MRPS6: variants seen among roughly 807,000 people sequenced by gnomAD.
MRPS6 encodes the protein small ribosomal subunit protein bS6m.
MRPS6 carries 6 observed loss-of-function variants against 13.1 expected under a neutral mutation model. The ratio of observed to expected loss-of-function variants is 0.46; its 90% CI spans 0.25 to 0.91. The LOEUF is 0.91. Among genes scored for constraint, MRPS6 ranks in the 40% least tolerant of loss-of-function variants. MRPS6 has a pLI of 0.18. For synonymous variants in MRPS6, 61 were observed against 56.5 expected (o/e 1.08, Z -0.36); for missense variants, 164 against 155.6 (o/e 1.05, Z -0.29).
At position 34,102,608 on chromosome 21, in the gene MRPS6, T is replaced by C. The variant is rs73899969; in HGVS notation, c.46-22733T>C. 4,504 of 1,000,192 alleles carry C rather than the reference T, an allele frequency of 4.5e-3. 141 individuals are homozygous for C. In the African/African-American group the frequency reaches 0.065, roughly 14 times the overall value. 62.0% of individuals were successfully genotyped at this position (1,000,192 alleles called of 1,614,324 possible). ...GAGGCTATTGACTTAAACCAATAAC[T>C]GTACTTTATGTAATGACTCTTAAAT... On this transcript the variant is annotated intron_variant, in intron 1 of 2. Transcript: ENST00000399312.
chr21:34,102,576 A>G (rs1979293656), intron 1 of MRPS6: 13 of 1,000,124 alleles, frequency 1.3e-5, no homozygotes, highest in Non-Finnish European at 1.6e-5. Flanking sequence ...AGTACCATAC[A>G]TAGTCTGAGG....
At chr21:34,116,392 T>C (rs144223435) in intron 1 of MRPS6, among the ~76,000 whole-genome samples, 3,079 of 151,622 alleles carry the variant, frequency 0.02, 102 homozygotes, top group African/African-American at 0.07. Flanking sequence ...ATAAGTTCTT[T>C]AGTGGTGATT....
intron 2 of MRPS6, among the ~76,000 whole-genome samples, chr21:34,138,141 T>G: frequency 6.6e-6 from 1 of 152,056 alleles, no homozygotes; most frequent in South Asian, 2.1e-4. Flanking sequence ...CTCGGTGAAT[T>G]TGTATCAGAA....
At chr21:34,101,081 A>C (rs1329034473) in intron 1 of MRPS6, 1 of 1,000,010 alleles carries the variant, frequency 1.0e-6, no homozygotes, top group Admixed American at 6.2e-5. Flanking sequence ...CTTTCCTGTT[A>C]AATTACGTGA....
At chr21:34,081,057 T>C (rs914324153) in intron 1 of MRPS6, among the ~76,000 whole-genome samples, 2 of 152,176 alleles carry the variant, frequency 1.3e-5, no homozygotes, top group Non-Finnish European at 2.9e-5. Flanking sequence ...TTGGGAAGAC[T>C]TGATAAAAGG....
chr21:34,095,759 G>A (rs752349480), intron 1 of MRPS6: 2 of 1,613,932 alleles, frequency 1.2e-6, no homozygotes, highest in African/African-American at 1.3e-5. Flanking sequence ...CAGACACTCT[G>A]CAGGCTCTGC....
At chr21:34,088,206 A>G (rs1290078276) in intron 1 of MRPS6, among the ~76,000 whole-genome samples, 2 of 124 alleles carry the variant, frequency 0.016, no homozygotes, top group Non-Finnish European at 0.034. Flanking sequence ...GATAGAATCT[A>G]TAGCTGTGAT....
At chr21:34,077,859 T>C (rs1989370427) in intron 1 of MRPS6, among the ~76,000 whole-genome samples, 3 of 152,234 alleles carry the variant, frequency 2.0e-5, no homozygotes, top group Non-Finnish European at 4.4e-5. Flanking sequence ...AGAGTTTTTC[T>C]CTAAATGCAA....
At chr21:34,119,234 C>T (rs561902677) in intron 1 of MRPS6, among the ~76,000 whole-genome samples, 34 of 152,158 alleles carry the variant, frequency 2.2e-4, no homozygotes, top group Admixed American at 5.2e-4. Flanking sequence ...TGTCATTAGG[C>T]AAGGCTGGCA....
intron 1 of MRPS6, chr21:34,104,056 A>T (rs1979367423): frequency 1.0e-6 from 1 of 1,000,184 alleles, no homozygotes; most frequent in Admixed American, 6.1e-5. Flanking sequence ...TCATACTTTA[A>T]CAGGGCAAAT....
intron 1 of MRPS6, among the ~76,000 whole-genome samples, chr21:34,075,642 G>A (rs1989311413): frequency 6.6e-6 from 1 of 152,184 alleles, no homozygotes; most frequent in African/African-American, 2.4e-5. Flanking sequence ...TGTAACAGTG[G>A]TGACTTATGT....
At chr21:34,137,562 CTTATCAGTCTAGGTACCTA>C (rs1437168110) in intron 2 of MRPS6, among the ~76,000 whole-genome samples, 1 of 152,112 alleles carries the variant, frequency 6.6e-6, no homozygotes, top group African/African-American at 2.4e-5. Context: ...TCACTTTTTG[CTTATCAGTCTAGGTACCTA>C]TTCTTTTTCT....
chr21:34,075,279 A>G (rs1210927341), intron 1 of MRPS6, among the ~76,000 whole-genome samples: 1 of 152,172 alleles, frequency 6.6e-6, no homozygotes, highest in African/African-American at 2.4e-5. Context: ...TGTAGGCAAT[A>G]ATATTTGCTC....
intron 1 of MRPS6, chr21:34,100,666 G>C: frequency 1.0e-6 from 1 of 1,000,228 alleles, no homozygotes. Flanking sequence ...TAAGAACTGA[G>C]TTGAGGGGGT....
chr21:34,135,852 G>A (rs1980679139), intron 2 of MRPS6: 3 of 554,404 alleles, frequency 5.4e-6, no homozygotes, highest in African/African-American at 3.8e-5. Context: ...CCACAATGGG[G>A]CACTGAGCTT....
intron 1 of MRPS6, chr21:34,100,296 A>C (rs1264207698): frequency 9.0e-6 from 9 of 1,000,234 alleles, no homozygotes; most frequent in Non-Finnish European, 1.1e-5. Flanking sequence ...ATTGGTATGC[A>C]GGATGATTAT....
intron 1 of MRPS6, among the ~76,000 whole-genome samples, chr21:34,080,898 G>A (rs1041037540): frequency 1.3e-5 from 2 of 152,198 alleles, no homozygotes; most frequent in East Asian, 1.9e-4. Flanking sequence ...CTTCGCTCAC[G>A]CTGGGTGAGT....
rs138322109 is a variant in MRPS6, at chr21:34,124,143, G to A, written c.46-1198G>A. ...TCTCATCCACCTGCTTTGAGCTTAA[G>A]ATTTACATCTGGAGAGGTCAACCTA... On this transcript the variant is annotated intron_variant, in intron 1 of 2. Coordinates refer to ENST00000399312, the MANE Select transcript of MRPS6 (RefSeq NM_032476.4). 2.2e-4 allele frequency: 33 copies of A among 152,276 alleles called. 2 individuals are homozygous for A. The highest frequency in any genetic ancestry group is 7.5e-4 in the African/African-American group (31 of 41,546). The allele number at this position is 152,276 out of a possible 1,614,324, so 9.4% of individuals were successfully genotyped here.
chr21:34,096,209 G>C lies in MRPS6; in HGVS notation c.45+22464G>C. 1 of 1,614,174 alleles carries C rather than the reference G, an allele frequency of 6.2e-7. No homozygotes were observed. The highest frequency in any genetic ancestry group is 8.5e-7 in the Non-Finnish European group (1 of 1,180,018). On this transcript the variant is annotated intron_variant, in intron 1 of 2. Transcript: ENST00000399312. The surrounding 1 kb of genome is among the most constrained non-coding windows in gnomAD (Gnocchi z 5.9). ...CTTGCATCAACCCAGAGCACTGCAT[G>C]CTGGTGTGTGGAAGCAGAGCTGGTT...
Sources: allele counts gnomAD v4.1 joint callset (sites outside exome capture counted in the v4.1 genomes callset), GRCh38; gene constraint gnomAD v4.1.1; non-coding constraint Gnocchi (gnomAD v3.1); transcripts MANE v1.5; gene names NCBI Gene and HGNC (gene_info 2026-07-23, HGNC 2026-07-21).